The following MYO16 variants were observed in gnomAD, a reference collection of about 807,000 sequenced individuals.
MYO16 encodes unconventional myosin-XVI.
A neutral mutation model predicts 205.3 loss-of-function variants in MYO16; 94 were observed. The observed-to-expected ratio is 0.46, with a 90% CI of 0.39 to 0.54. The LOEUF is 0.54. MYO16 is among the 20% of genes least tolerant of loss of function. The pLI is 0.00. For missense variants in MYO16, 2,315 were observed against 2,387.5 expected, an observed-to-expected ratio of 0.97 and a Z score of 0.63; for synonymous variants, 988 against 954.0, an observed-to-expected ratio of 1.04 and a Z score of -0.66.
At chr13:108,667,324 T>G (rs1347659416) in intron 2 of MYO16, among the ~76,000 whole-genome samples, 4 of 150,184 alleles carry the variant, frequency 2.7e-5, no homozygotes, top group Non-Finnish European at 5.9e-5. Context: ...TGTTTTGTTT[T>G]TTTTTTTTTT....
intron 1 of MYO16, among the ~76,000 whole-genome samples, chr13:108,661,167 G>T (rs1372216420): frequency 1.3e-5 from 2 of 152,112 alleles, no homozygotes; most frequent in African/African-American, 4.8e-5. Flanking sequence ...TAATCTGATA[G>T]GTTTTCTTTC....
At chr13:108,671,062 A>G (rs966120084) in intron 2 of MYO16, among the ~76,000 whole-genome samples, 1 of 152,238 alleles carries the variant, frequency 6.6e-6, no homozygotes, top group Non-Finnish European at 1.5e-5. Flanking sequence ...CAAAAGAAGC[A>G]GAGAGTAAAT....
At chr13:108,944,978 T>C (rs1882878938) in intron 16 of MYO16, among the ~76,000 whole-genome samples, 1 of 152,186 alleles carries the variant, frequency 6.6e-6, no homozygotes, top group Non-Finnish European at 1.5e-5. Flanking sequence ...AACAGAATGC[T>C]AATTATTTCT....
intron 16 of MYO16, among the ~76,000 whole-genome samples, chr13:108,918,037 T>A (rs1230916933): frequency 2.0e-5 from 3 of 152,256 alleles, no homozygotes; most frequent in Non-Finnish European, 4.4e-5. Context: ...AACTTCAACC[T>A]GTTCGATTCT....
intron 16 of MYO16, among the ~76,000 whole-genome samples, chr13:108,939,489 C>A (rs1882632072): frequency 6.6e-6 from 1 of 152,154 alleles, no homozygotes; most frequent in African/African-American, 2.4e-5. Flanking sequence ...CTGCTAGATT[C>A]CTGTTTTCCT....
intron 9 of MYO16, among the ~76,000 whole-genome samples, chr13:108,828,127 G>A (rs182748920): frequency 6.2e-4 from 95 of 152,318 alleles, no homozygotes; most frequent in Non-Finnish European, 1.2e-3. Context: ...CTGGACGCAT[G>A]TCCTGTTACT....
At chr13:108,825,974 T>A (rs1186871349) in intron 9 of MYO16, among the ~76,000 whole-genome samples, 3 of 151,988 alleles carry the variant, frequency 2.0e-5, no homozygotes, top group Non-Finnish European at 4.4e-5. Context: ...AGCCTAAATA[T>A]ATGGAAAGAA....
At chr13:108,890,993 C>A (rs1002907891) in intron 14 of MYO16, among the ~76,000 whole-genome samples, 2 of 152,154 alleles carry the variant, frequency 1.3e-5, no homozygotes, top group African/African-American at 4.8e-5. Flanking sequence ...AAAGGGCTAC[C>A]CAGTGCCTGT....
chr13:108,639,411 G>C (rs1818976144), intron 1 of MYO16, among the ~76,000 whole-genome samples: 1 of 152,156 alleles, frequency 6.6e-6, no homozygotes, highest in African/African-American at 2.4e-5. Context: ...CTGGGTTCCA[G>C]GAAAATCTAC....
Position 108,866,192 on chromosome 13 carries a change from A to G in MYO16, c.1375A>G (p.Ile459Val). 1 of 1,603,830 alleles carries G rather than the reference A, an allele frequency of 6.2e-7. No homozygotes were observed. Among genetic ancestry groups the G allele is most frequent in the African/African-American group, 1.3e-5 (1 of 74,796 alleles). The change falls in exon 12 of 35, where the codon ATT (isoleucine) becomes GTT (valine). Residue 459 changes from isoleucine to valine, a missense_variant. This residue lies in a region of MYO16 where 1,213 missense variants were observed against 1,274.4 expected (regional missense o/e 0.95). Coordinates refer to ENST00000457511, the MANE Select transcript of MYO16 (RefSeq NM_001198950.3). ...TTTTTCACAGACATTCATTGGAGAC[A>G]TTCTTTTGCTTGTTAACCCATACAA... The part of the protein sequence containing the change: ...NNQIYTFIGD[I>V]LLLVNPYKEL...
chr13:108,593,816 G>T (rs574187376), upstream of MYO16, among the ~76,000 whole-genome samples: 1 of 152,126 alleles, frequency 6.6e-6, no homozygotes, highest in Non-Finnish European at 1.5e-5. Flanking sequence ...TCGCTCCCAA[G>T]CCCTGTTAGC....
chr13:109,007,700 G>T (rs1475063306), intron 21 of MYO16, among the ~76,000 whole-genome samples: 1 of 148,178 alleles, frequency 6.7e-6, no homozygotes, highest in Non-Finnish European at 1.5e-5. Flanking sequence ...GATAAATAAA[G>T]GTTTTTCTTT....
chr13:108,558,713 T>A, the MYO16 span, among the ~76,000 whole-genome samples: 1 of 152,110 alleles, frequency 6.6e-6, no homozygotes, highest in African/African-American at 2.4e-5. Flanking sequence ...CTCCTGTAAC[T>A]TACACGTGAG....
At chr13:109,174,305 G>A (rs1879064684) in intron 33 of MYO16, among the ~76,000 whole-genome samples, 1 of 152,148 alleles carries the variant, frequency 6.6e-6, no homozygotes, top group African/African-American at 2.4e-5. Flanking sequence ...TGACAGGTTT[G>A]GAGTTTAGGC....
intron 3 of MYO16, among the ~76,000 whole-genome samples, chr13:108,717,120 C>T (rs35344037): frequency 0.28 from 42,604 of 151,984 alleles, 7,034 homozygotes; most frequent in Non-Finnish European, 0.37. Flanking sequence ...GTATTACATA[C>T]GTTTTGCTAA....
At chr13:108,988,702 T>C (rs982954524) in intron 20 of MYO16, among the ~76,000 whole-genome samples, 1 of 152,192 alleles carries the variant, frequency 6.6e-6, no homozygotes, top group African/African-American at 2.4e-5. Flanking sequence ...ATGGTGTCAC[T>C]GATCTCTGCT....
At chr13:108,795,454 C>T (rs901060452) in intron 6 of MYO16, among the ~76,000 whole-genome samples, 7 of 152,086 alleles carry the variant, frequency 4.6e-5, no homozygotes, top group African/African-American at 7.2e-5. Flanking sequence ...GTGATCCGCC[C>T]GCCTTGGCCT....
chr13:109,102,779 G>A (rs1179802511), intron 28 of MYO16, among the ~76,000 whole-genome samples: 2 of 152,032 alleles, frequency 1.3e-5, no homozygotes, highest in African/African-American at 4.8e-5. Context: ...TTGCAGCTGA[G>A]GATAGCATTA....
At chr13:108,621,180 C>G (rs929696564) in intron 1 of MYO16, among the ~76,000 whole-genome samples, 3 of 152,116 alleles carry the variant, frequency 2.0e-5, no homozygotes, top group Admixed American at 1.3e-4. Context: ...TAATGCCATG[C>G]ATTTTCTAGT....
Sources: gnomAD v4.1 joint callset for allele counts (sites outside exome capture counted in the v4.1 genomes callset) on GRCh38, gnomAD v4.1.1 for gene constraint, gnomAD v4.1.1 regional missense constraint, MANE v1.5 for transcripts, NCBI Gene and HGNC (gene_info 2026-07-23, HGNC 2026-07-21) for gene names.